CPNE8: variants seen among roughly 807,000 people sequenced by gnomAD.
CPNE8 encodes copine 8, also known as copine-8.
A neutral mutation model predicts 81.5 loss-of-function variants in CPNE8; 45 were observed. That is an observed-to-expected ratio of 0.55 (90% CI 0.44 to 0.71). The LOEUF is 0.71. Among genes scored for constraint, CPNE8 ranks in the 30% least tolerant of loss-of-function variants. CPNE8 has a pLI of 0.00. For synonymous variants in CPNE8, 252 were observed against 226.3 expected (o/e 1.11, Z -1.02); for missense variants, 594 against 672.1 (o/e 0.88, Z 1.28).
chr12:38,679,117 TGAAA>T (rs1343729348), intron 16 of CPNE8, among the ~76,000 whole-genome samples: 1 of 151,882 alleles, frequency 6.6e-6, no homozygotes, highest in Non-Finnish European at 1.5e-5. Context: ...ATGAGAATAA[TGAAA>T]GACTCTAAAT....
chr12:38,781,739 T>C (rs1173769392), intron 6 of CPNE8, among the ~76,000 whole-genome samples: 1 of 152,094 alleles, frequency 6.6e-6, no homozygotes, highest in Non-Finnish European at 1.5e-5. Flanking sequence ...TCACCAGTGA[T>C]AAGTCATATT....
chr12:38,875,908 A>G (rs1281640764), intron 1 of CPNE8, among the ~76,000 whole-genome samples: 3 of 152,214 alleles, frequency 2.0e-5, no homozygotes, highest in Non-Finnish European at 4.4e-5. Context: ...AATTACTGTG[A>G]CATTATATTT....
intron 6 of CPNE8, among the ~76,000 whole-genome samples, chr12:38,781,448 A>G (rs1942051383): frequency 6.6e-6 from 1 of 152,114 alleles, no homozygotes; most frequent in South Asian, 2.1e-4. Flanking sequence ...GAATGGAAAG[A>G]TATCTCAGAA....
chr12:38,878,152 T>TA, intron 1 of CPNE8, among the ~76,000 whole-genome samples: 1 of 152,236 alleles, frequency 6.6e-6, no homozygotes, highest in South Asian at 2.1e-4. Context: ...GAAATAACCA[T>TA]AAAAATGGGC....
chr12:38,684,928 T>G (rs1223984357), intron 16 of CPNE8, among the ~76,000 whole-genome samples: 1 of 152,200 alleles, frequency 6.6e-6, no homozygotes, highest in Non-Finnish European at 1.5e-5. Context: ...TTTTAACATT[T>G]TCTTCAGAAC....
At chr12:38,718,962 G>T (rs557201056) in intron 13 of CPNE8, among the ~76,000 whole-genome samples, 13 of 152,162 alleles carry the variant, frequency 8.5e-5, no homozygotes, top group African/African-American at 2.9e-4. Flanking sequence ...CACATAGTGT[G>T]ATCCCATGAT....
intron 19 of CPNE8, among the ~76,000 whole-genome samples, chr12:38,668,475 A>G (rs563474186): frequency 6.6e-6 from 1 of 152,326 alleles, no homozygotes; most frequent in African/African-American, 2.4e-5. Flanking sequence ...GATGTGAGTA[A>G]TCTTAGCTAT....
intron 6 of CPNE8, among the ~76,000 whole-genome samples, chr12:38,820,182 G>T (rs769083532): frequency 6.6e-6 from 1 of 152,000 alleles, no homozygotes; most frequent in Non-Finnish European, 1.5e-5. Context: ...GAAGATGGGG[G>T]GATCACAAGA....
chr12:38,672,573 C>T (rs1323388323), intron 18 of CPNE8, among the ~76,000 whole-genome samples: 2 of 152,180 alleles, frequency 1.3e-5, no homozygotes, highest in East Asian at 1.9e-4. Flanking sequence ...ATGGGAGACA[C>T]AATGAAGTTA....
rs571673054 is a variant in CPNE8 at position 38,864,619 on chromosome 12, C to T, written c.186+8385G>A. ...CAGCGGAGAAAGGCGATCCCATCAA[C>T]AAATGTTCCTGAGTCAATTCAACAC... On this transcript the variant is annotated intron_variant, in intron 3 of 19. Transcript: ENST00000331366. 5.9e-5 allele frequency among the ~76,000 whole-genome samples: 9 copies of T among 152,284 alleles called. No individual in the cohort carries two copies. In the South Asian group the frequency reaches 1.9e-3, roughly 32 times the overall value.
intron 10 of CPNE8, among the ~76,000 whole-genome samples, chr12:38,734,033 CA>C (rs370971275): frequency 4.0e-5 from 6 of 151,766 alleles, no homozygotes; most frequent in African/African-American, 1.4e-4. Context: ...TTTTTGCTCT[CA>C]AAAACATAAA....
rs1298015187 is a variant in CPNE8 at position 38,805,673 on chromosome 12, A to C, written c.407+23706T>G. Among the ~76,000 whole-genome samples the C allele has an allele frequency of 1.3e-3, 47 of 35,816 alleles. 2 individuals are homozygous for C. In the South Asian group the frequency reaches 0.039, roughly 30 times the overall value. The allele number at this position is 35,816 out of a possible 152,430, so 23.5% of individuals were successfully genotyped here. On this transcript the variant is annotated intron_variant, in intron 6 of 19. Transcript: ENST00000331366. ...ACTTAGAGTATAATAAAAAAAAAAA[A>C]CATTAAAAAAAAAAAAAAGAACTAG...
chr12:38,771,123 C>CA (rs1941790702), intron 7 of CPNE8, among the ~76,000 whole-genome samples: 1 of 151,722 alleles, frequency 6.6e-6, no homozygotes, highest in East Asian at 1.9e-4. Context: ...TAAATAAAAA[C>CA]AAAAAATATA....
At chr12:38,768,272 A>G (rs1487803282) in intron 7 of CPNE8, among the ~76,000 whole-genome samples, 1 of 152,068 alleles carries the variant, frequency 6.6e-6, no homozygotes, top group African/African-American at 2.4e-5. Context: ...TAGTATAATG[A>G]ATCAGTAACT....
chr12:38,827,596 A>G (rs551814796), intron 6 of CPNE8, among the ~76,000 whole-genome samples: 1 of 152,338 alleles, frequency 6.6e-6, no homozygotes, highest in South Asian at 2.1e-4. Flanking sequence ...TGGACTGGAT[A>G]AATAAAATGT....
intron 5 of CPNE8, among the ~76,000 whole-genome samples, chr12:38,839,203 A>T (rs1943430019): frequency 1.3e-5 from 2 of 151,998 alleles, no homozygotes; most frequent in Non-Finnish European, 2.9e-5. Context: ...AGGTCAATAA[A>T]CAAGTTGATG....
intron 3 of CPNE8, among the ~76,000 whole-genome samples, chr12:38,866,674 C>T (rs1943917849): frequency 6.6e-6 from 1 of 152,244 alleles, no homozygotes; most frequent in South Asian, 2.1e-4. Flanking sequence ...GTCTTAGGCT[C>T]CCATAACTAG....
chr12:38,863,025 T>A (rs1368809972), intron 3 of CPNE8, among the ~76,000 whole-genome samples: 1 of 152,148 alleles, frequency 6.6e-6, no homozygotes, highest in African/African-American at 2.4e-5. Flanking sequence ...GACAGTTTTT[T>A]AATTAGAGAT....
At chr12:38,898,070 C>T (rs1944412185) in intron 1 of CPNE8, among the ~76,000 whole-genome samples, 1 of 152,140 alleles carries the variant, frequency 6.6e-6, no homozygotes, top group African/African-American at 2.4e-5. Context: ...TATTTCTTCT[C>T]AGTCTTGAGT....
Sources: gnomAD v4.1 joint callset for allele counts (sites outside exome capture counted in the v4.1 genomes callset) on GRCh38, gnomAD v4.1.1 for gene constraint, MANE v1.5 for transcripts, NCBI Gene and HGNC (gene_info 2026-07-23, HGNC 2026-07-21) for gene names.